The following NLGN4X variants were observed in gnomAD, a reference collection of about 807,000 sequenced individuals.
NLGN4X encodes neuroligin 4 X-linked.
A neutral mutation model predicts 40.3 loss-of-function variants in NLGN4X; 3 were observed. The observed-to-expected ratio is 0.07, with a 90% CI of 0.03 to 0.19. The LOEUF (loss-of-function observed/expected upper bound fraction) is 0.19, where lower values mean the gene tolerates loss of function less well. NLGN4X is among the 10% of genes least tolerant of loss of function. The pLI is 1.00. For synonymous variants in NLGN4X, 270 were observed against 306.8 expected (o/e 0.88, Z 1.25); for missense variants, 382 against 708.3 (o/e 0.54, Z 5.23).
At chrX:5,939,236 G>C (rs2033834876) in intron 3 of NLGN4X, among the ~76,000 whole-genome samples, 1 of 111,142 alleles carries the variant, frequency 9.0e-6, no homozygotes, top group Non-Finnish European at 1.9e-5. Context: ...TAGGAAATTT[G>C]TAAAACACTG....
chrX:5,910,639 A>G (rs769586633), intron 3 of NLGN4X, among the ~76,000 whole-genome samples: 2 of 111,795 alleles, frequency 1.8e-5, no homozygotes, highest in South Asian at 3.7e-4. Context: ...CTGCATACCA[A>G]TTGAGTCAAC....
chrX:5,890,253 A>G lies in NLGN4X; in HGVS notation c.*2564T>C, dbSNP rs1364195266. 6.3e-6 allele frequency: 1 copy of G among 159,051 alleles called. No individual in the cohort carries two copies. The highest frequency in any genetic ancestry group is 1.1e-5 in the Non-Finnish European group (1 of 87,366). 13.1% of individuals were successfully genotyped at this position (159,051 alleles called of 1,213,427 possible). A position where few individuals can be genotyped will look rare whatever the true frequency, so the allele number is the denominator to read the frequency against. On this transcript the variant is annotated 3_prime_UTR_variant, in exon 6 of 6. Coordinates refer to ENST00000381095, the MANE Select transcript of NLGN4X (RefSeq NM_181332.3). Reference sequence around the variant, plus strand: ...TTTTTTTTTTTCTTACTTTTTTCTCATTTTTTTTCTTTTTTCTCTTTTTTA... The same window carrying G: ...TTTTTTTTTTTCTTACTTTTTTCTCGTTTTTTTTCTTTTTTCTCTTTTTTA...
chrX:6,072,603 A>T (rs1040368828), intron 2 of NLGN4X, among the ~76,000 whole-genome samples: 3 of 111,725 alleles, frequency 2.7e-5, no homozygotes, highest in Non-Finnish European at 5.6e-5. Context: ...CTATTTTAAA[A>T]AATATGTTGC....
intron 2 of NLGN4X, among the ~76,000 whole-genome samples, chrX:6,112,985 C>T (rs1302141197): frequency 9.1e-6 from 1 of 110,422 alleles, no homozygotes; most frequent in Middle Eastern, 4.3e-3. Context: ...CATAGCCCCC[C>T]AGTATAACCA....
At chrX:6,021,002 TTC>T (rs869309615) in intron 3 of NLGN4X, among the ~76,000 whole-genome samples, 56 of 24,105 alleles carry the variant, frequency 2.3e-3, no homozygotes, top group African/African-American at 5.7e-3. Context: ...CTTCCTTCTT[TTC>T]TCTCTCTCTC....
intron 3 of NLGN4X, among the ~76,000 whole-genome samples, chrX:5,940,592 T>C (rs1291770100): frequency 1.1e-5 from 1 of 92,594 alleles, no homozygotes; most frequent in Non-Finnish European, 2.2e-5. Context: ...TTTGGTTCTA[T>C]TCTCTAGAAA....
chrX:6,008,134 G>A (rs1853613980), intron 3 of NLGN4X, among the ~76,000 whole-genome samples: 1 of 111,985 alleles, frequency 8.9e-6, no homozygotes, highest in Admixed American at 9.5e-5. Context: ...CCATTTTAAA[G>A]TGTACTGTTC....
At chrX:6,146,998 G>A (rs1056631530) in intron 2 of NLGN4X, among the ~76,000 whole-genome samples, 4 of 111,153 alleles carry the variant, frequency 3.6e-5, no homozygotes, top group Admixed American at 1.9e-4. Context: ...CACCATATTG[G>A]CCAGGCTGGT....
At position 5,992,712 on chromosome X, in the gene NLGN4X, C is replaced by T. The variant is rs181109245; in HGVS notation, c.625+36568G>A. 1.2e-3 allele frequency among the ~76,000 whole-genome samples: 135 copies of T among 111,638 alleles called. 1 individual carries two copies. Among genetic ancestry groups the T allele is most frequent in the African/African-American group, 4.2e-3 (129 of 30,701 alleles). On this transcript the variant is annotated intron_variant, in intron 3 of 5. Coordinates refer to ENST00000381095, the MANE Select transcript of NLGN4X (RefSeq NM_181332.3). ...CTGGTGAGGCCTCAGGGAGCTTCCA[C>T]TTATGGTGGAAGAGGAAGGGGAGCT...
At chrX:5,915,972 G>A (rs1159315944) in intron 3 of NLGN4X, among the ~76,000 whole-genome samples, 1 of 111,763 alleles carries the variant, frequency 8.9e-6, no homozygotes, top group African/African-American at 3.3e-5. Flanking sequence ...GTCCCTCCCT[G>A]GGTCTGCATC....
intron 1 of NLGN4X, among the ~76,000 whole-genome samples, chrX:6,157,805 G>T (rs751136959): frequency 6.3e-5 from 7 of 111,330 alleles, no homozygotes; most frequent in Non-Finnish European, 1.3e-4. Context: ...TCACTTTGGG[G>T]TTACAACGTC....
At chrX:5,979,234 C>T (rs1227168250) in intron 3 of NLGN4X, among the ~76,000 whole-genome samples, 1 of 111,154 alleles carries the variant, frequency 9.0e-6, no homozygotes, top group Non-Finnish European at 1.9e-5. Flanking sequence ...TTTTAATATT[C>T]ATGCAGGTTG....
intron 1 of NLGN4X, among the ~76,000 whole-genome samples, chrX:6,209,700 T>C (rs904035619): frequency 2.7e-5 from 3 of 112,172 alleles, no homozygotes; most frequent in African/African-American, 6.5e-5. Flanking sequence ...CTTAGAAGTC[T>C]GGATTTATAT....
At chrX:6,015,437 A>AT (rs1425074724) in intron 3 of NLGN4X, among the ~76,000 whole-genome samples, 5 of 111,089 alleles carry the variant, frequency 4.5e-5, no homozygotes, top group African/African-American at 9.8e-5. Flanking sequence ...TATTACTAGT[A>AT]TTTTTTTAAA....
intron 1 of NLGN4X, chrX:6,226,622 G>A (rs1028223714): frequency 3.5e-5 from 4 of 113,560 alleles, no homozygotes; most frequent in African/African-American, 1.3e-4. Flanking sequence ...CCCGCCGAGG[G>A]ACCCCAGCCT....
At chrX:6,169,697 C>T (rs1368248305) in intron 1 of NLGN4X, among the ~76,000 whole-genome samples, 1 of 112,044 alleles carries the variant, frequency 8.9e-6, no homozygotes, top group Admixed American at 9.4e-5. Flanking sequence ...CATGTGTGGT[C>T]GGAGAAACAG....
chrX:5,953,158 C>T lies in NLGN4X; in HGVS notation c.626-43919G>A, dbSNP rs188911696. Reference sequence around the variant, plus strand: ...GGACAAGGCAGGGGGATCATTTGAGCTCGGGAGTTTGAGACCAGCCTGGGC... The same window carrying T: ...GGACAAGGCAGGGGGATCATTTGAGTTCGGGAGTTTGAGACCAGCCTGGGC... On this transcript the variant is annotated intron_variant, in intron 3 of 5. Coordinates refer to ENST00000381095, the MANE Select transcript of NLGN4X (RefSeq NM_181332.3). Among the ~76,000 whole-genome samples the T allele has an allele frequency of 4.5e-4, 50 of 110,650 alleles. 1 individual carries two copies. The highest frequency in any genetic ancestry group is 1.4e-3 in the Admixed American group (14 of 10,353).
rs185187649 is a variant in NLGN4X, at chrX:5,974,420, G to A, written c.625+54860C>T. Among the ~76,000 whole-genome samples, 170 of 111,825 alleles carry A rather than the reference G, an allele frequency of 1.5e-3. 3 individuals carry two copies. The highest frequency in any genetic ancestry group is 6.4e-4 in the Non-Finnish European group (34 of 53,209). ...ACACTGCAGTTGGGGAGGCTCAAGC[G>A]AAAGGAAGAGGAGAAAACTCTAAAC... On this transcript the variant is annotated intron_variant, in intron 3 of 5. Transcript: ENST00000381095.
intron 3 of NLGN4X, among the ~76,000 whole-genome samples, chrX:5,952,827 C>T (rs772105810): frequency 1.8e-5 from 2 of 109,930 alleles, no homozygotes; most frequent in Admixed American, 2.0e-4. Flanking sequence ...TTGCATGCCC[C>T]GCAGTAAAAT....
Sources: allele counts gnomAD v4.1 joint callset (sites outside exome capture counted in the v4.1 genomes callset), GRCh38; gene constraint gnomAD v4.1.1; transcripts MANE v1.5; gene names NCBI Gene and HGNC (gene_info 2026-07-23, HGNC 2026-07-21).